TNN: variants seen among roughly 807,000 people sequenced by gnomAD.
TNN encodes the protein tenascin-N.
TNN carries 122 observed loss-of-function variants against 134.4 expected under a neutral mutation model. The ratio of observed to expected loss-of-function variants is 0.91; its 90% confidence interval spans 0.78 to 1.06. The LOEUF is 1.06. TNN is among the 50% of genes least tolerant of loss of function. TNN has a pLI of 0.00. For synonymous variants in TNN, 710 were observed against 670.3 expected (o/e 1.06, Z -0.91); for missense variants, 1,739 against 1,699.4 (o/e 1.02, Z -0.41).
intron 17 of TNN, among the ~76,000 whole-genome samples, chr1:175,140,025 T>A (rs1675909659): frequency 1.3e-5 from 2 of 152,256 alleles, no homozygotes; most frequent in Admixed American, 1.3e-4. Flanking sequence ...GGATATTAAC[T>A]GAATAAGAGG....
intron 6 of TNN, among the ~76,000 whole-genome samples, chr1:175,091,922 C>T (rs73044972): frequency 0.064 from 9,748 of 152,180 alleles, 604 homozygotes; most frequent in African/African-American, 0.16. Context: ...CAGGCAGCAC[C>T]AACCCCACAA....
intron 6 of TNN, among the ~76,000 whole-genome samples, chr1:175,090,210 G>A (rs1372433130): frequency 6.6e-6 from 1 of 152,204 alleles, no homozygotes; most frequent in Non-Finnish European, 1.5e-5. Context: ...GTACAACTTA[G>A]GTTCGCTTGA....
chr1:175,077,312 A>T, intron 1 of TNN, 72 bp from the exon 2 acceptor site: 1 of 1,199,300 alleles, frequency 8.3e-7, no homozygotes, highest in Non-Finnish European at 1.2e-6. Context: ...GGCTCTTAGA[A>T]TCTGGTAAAA....
At chr1:175,097,711 A>G in intron 8 of TNN, 28 bp downstream of exon 8, 1 of 1,613,402 alleles carries the variant, frequency 6.2e-7, no homozygotes, top group Non-Finnish European at 8.5e-7. Context: ...GTCAATTGGA[A>G]TTGAGTTTTA....
chr1:175,087,369 A>G (rs1045518053), intron 6 of TNN, among the ~76,000 whole-genome samples: 30 of 152,346 alleles, frequency 2.0e-4, no homozygotes, highest in Non-Finnish European at 4.4e-4. Flanking sequence ...TTTTCTCAGG[A>G]TAAGGTGAAC....
At chr1:175,139,995 G>T (rs1017870447) in intron 17 of TNN, among the ~76,000 whole-genome samples, 1 of 152,220 alleles carries the variant, frequency 6.6e-6, no homozygotes, top group African/African-American at 2.4e-5. Context: ...AAACATAGAT[G>T]GACATTCATA....
intron 17 of TNN, among the ~76,000 whole-genome samples, chr1:175,137,921 T>C (rs1675854841): frequency 6.6e-6 from 1 of 151,914 alleles, no homozygotes; most frequent in South Asian, 2.1e-4. Context: ...AAATAAGGGG[T>C]GAGAAACATA....
rs113175318 is a variant in TNN at position 175,129,023 on chromosome 1, A to G, written c.3330+277A>G. ...GCAAAAGCAAGTTTATTAAGAAAGT[A>G]AAGTGGTGAAAGTACAGCTACTCCA... is the stretch of plus-strand genomic sequence containing the variant. On this transcript the variant is annotated intron_variant, in intron 15 of 18. Coordinates refer to ENST00000239462, the MANE Select transcript of TNN (RefSeq NM_022093.2). Among the ~76,000 whole-genome samples the G allele has an allele frequency of 1.3e-3, 192 of 152,272 alleles. 1 individual carries two copies. The highest frequency in any genetic ancestry group is 4.4e-3 in the African/African-American group (183 of 41,546).
intron 4 of TNN, 101 bp from the exon 5 acceptor site, chr1:175,083,649 T>C (rs1674252288): frequency 9.1e-7 from 1 of 1,104,946 alleles, no homozygotes; most frequent in South Asian, 1.6e-5. Flanking sequence ...GCTCTTGAGA[T>C]GTCAAGAAAG....
intron 15 of TNN, among the ~76,000 whole-genome samples, chr1:175,130,652 A>T (rs1202169611): frequency 6.6e-6 from 1 of 152,194 alleles, no homozygotes. Flanking sequence ...GAGATCTGTC[A>T]GTCTGTCTGC....
chr1:175,126,854 TGGG>T, intron 12 of TNN, 98 bp from the exon 13 acceptor site: 1 of 1,314,152 alleles, frequency 7.6e-7, no homozygotes, highest in Non-Finnish European at 1.0e-6. Flanking sequence ...GGAGGAGAAA[TGGG>T]AGGGTTTGAA....
intron 11 of TNN, among the ~76,000 whole-genome samples, chr1:175,119,593 T>C (rs1675290158): frequency 6.6e-6 from 1 of 151,946 alleles, no homozygotes; most frequent in African/African-American, 2.4e-5. Context: ...GACAAAACTA[T>C]AGTAATGGAC....
intron 15 of TNN, among the ~76,000 whole-genome samples, chr1:175,129,113 T>C (rs1376829914): frequency 1.3e-5 from 2 of 152,206 alleles, no homozygotes; most frequent in Non-Finnish European, 2.9e-5. Flanking sequence ...AAGACTTGTT[T>C]ATATATAGGA....
chr1:175,136,800 A>G, intron 16 of TNN, 21 bp from the exon 17 acceptor site: 1 of 1,610,384 alleles, frequency 6.2e-7, no homozygotes, highest in Non-Finnish European at 8.5e-7. Context: ...TGATTATTGG[A>G]ATTCCGTTTT....
intron 9 of TNN, among the ~76,000 whole-genome samples, chr1:175,098,923 C>A (rs543167259): frequency 6.8e-4 from 103 of 152,230 alleles, no homozygotes; most frequent in African/African-American, 2.4e-3. Flanking sequence ...GCTGAGGGAG[C>A]CAGACTTAGG....
chr1:175,102,469 C>T lies in TNN; in HGVS notation c.2119+3874C>T, dbSNP rs1055295747. 5.4e-4 allele frequency among the ~76,000 whole-genome samples: 79 copies of T among 145,942 alleles called. 14 individuals are homozygous for T. The highest frequency in any genetic ancestry group is 2.1e-3 in the Admixed American group (30 of 14,632). Reference sequence around the variant, plus strand: ...CGGCGGGAAGGCAGCTAAGGCTCGGCGAGAAATCGAGCGCAGTGCCGGTGG... The same window carrying T: ...CGGCGGGAAGGCAGCTAAGGCTCGGTGAGAAATCGAGCGCAGTGCCGGTGG... On this transcript the variant is annotated intron_variant, in intron 9 of 18. Coordinates refer to ENST00000239462, the MANE Select transcript of TNN (RefSeq NM_022093.2).
At chr1:175,073,273 C>T (rs1027544714) in intron 1 of TNN, among the ~76,000 whole-genome samples, 1 of 152,130 alleles carries the variant, frequency 6.6e-6, no homozygotes, top group Non-Finnish European at 1.5e-5. Flanking sequence ...TGCCACTGAG[C>T]CTCAGTTCCT....
At chr1:175,098,649 TG>T in intron 9 of TNN, 54 bp downstream of exon 9, 1 of 1,608,332 alleles carries the variant, frequency 6.2e-7, no homozygotes, top group Non-Finnish European at 8.5e-7. Flanking sequence ...TCTGTCTACA[TG>T]GGGTTTTCTT....
At chr1:175,130,144 C>A (rs1375583932) in intron 15 of TNN, among the ~76,000 whole-genome samples, 1 of 152,206 alleles carries the variant, frequency 6.6e-6, no homozygotes, top group Admixed American at 6.5e-5. Context: ...TGCTCCAAGC[C>A]AGCATGCAGC....
Sources: gnomAD v4.1 joint callset for allele counts (sites outside exome capture counted in the v4.1 genomes callset) on GRCh38, gnomAD v4.1.1 for gene constraint, MANE v1.5 for transcripts, NCBI Gene and HGNC (gene_info 2026-07-23, HGNC 2026-07-21) for gene names.